The following SPG11 variants were observed in gnomAD, a reference collection of about 807,000 sequenced individuals.
SPG11 encodes the protein spatacsin.
A neutral mutation model predicts 274.0 loss-of-function variants in SPG11; 222 were observed. That is an observed-to-expected ratio of 0.81 (90% CI 0.73 to 0.91). SPG11 has a LOEUF of 0.91. Ranked by LOEUF, SPG11 falls within the 40% of genes least tolerant of loss-of-function variation. SPG11 has a pLI of 0.00. For missense variants in SPG11, 3,114 were observed against 2,872.7 expected (o/e 1.08, Z -1.92); for synonymous variants, 1,144 against 1,039.7 (o/e 1.10, Z -1.93).
intron 35 of SPG11, 99 bp from the exon 36 acceptor site, chr15:44,567,691 CAAG>C (rs1051939256): frequency 4.3e-5 from 56 of 1,289,324 alleles, no homozygotes; most frequent in African/African-American, 3.3e-4. Context: ...TAAAAACTCC[CAAG>C]AAGAAGAGGA....
chr15:44,570,550 G>C lies in SPG11; in HGVS notation c.6452C>G (p.Ala2151Gly), dbSNP rs763676031. Residue 2151 changes from alanine to glycine, a missense_variant, in exon 34 of 40, where the codon GCC becomes GGC. Physicochemically the swap from Ala to Gly is moderately conservative, Grantham distance 60 (BLOSUM62 0). Coordinates refer to ENST00000261866, the MANE Select transcript of SPG11 (RefSeq NM_025137.4). ...AAHMLTDNHL[A>G]PSEEYGLVVR... ...CACCAGCCCATACTCCTCACTGGGGGCCAGGTGGTTATCTGTGAGCATGTG... is the reference window on the plus strand; with the variant it reads ...CACCAGCCCATACTCCTCACTGGGGCCCAGGTGGTTATCTGTGAGCATGTG... 16 of 1,614,034 alleles carry C rather than the reference G, an allele frequency of 9.9e-6. No individual in the cohort carries two copies. In the African/African-American group the frequency reaches 2.0e-4, roughly 20 times the overall value.
intron 26 of SPG11, among the ~76,000 whole-genome samples, chr15:44,593,252 G>A (rs1302949228): frequency 6.6e-6 from 1 of 152,070 alleles, no homozygotes; most frequent in East Asian, 1.9e-4. Flanking sequence ...CTGGAGTGCA[G>A]TGGCATGATC....
At chr15:44,662,358 ATACT>A (rs757738767) in intron 1 of SPG11, among the ~76,000 whole-genome samples, 12 of 152,150 alleles carry the variant, frequency 7.9e-5, no homozygotes, top group East Asian at 1.9e-4. Context: ...AGTTGTGAAA[ATACT>A]TACTATTAAT....
chr15:44,595,324 A>G lies in SPG11; in HGVS notation c.4570T>C (p.Trp1524Arg). Residue 1524 changes from tryptophan to arginine, a missense_variant, in exon 26 of 40, where the codon TGG becomes CGG. Transcript: ENST00000261866. ...TWNLEDLSVIWRTLLTRQKSK... is the reference protein window; with the variant it reads ...TWNLEDLSVIRRTLLTRQKSK... ...TTTTGTCTTGTTAATAATGTTCTCC[A>G]GATGACTGAAAGATCCTCAAGGTTC... 1.2e-6 allele frequency: 2 copies of G among 1,614,254 alleles called. No homozygotes were observed. The highest frequency in any genetic ancestry group is 1.7e-6 in the Non-Finnish European group (2 of 1,180,044).
At chr15:44,613,577 C>T in intron 16 of SPG11, 41 bp from the exon 17 acceptor site, 1 of 1,283,522 alleles carries the variant, frequency 7.8e-7, no homozygotes, top group Non-Finnish European at 1.1e-6. Context: ...GATTAACATA[C>T]AGGATAAGAC....
chr15:44,592,202 T>C lies in SPG11; in HGVS notation c.4743+129A>G. 8.6e-6 allele frequency: 6 copies of C among 697,426 alleles called. No individual in the cohort carries two copies. In the South Asian group the frequency reaches 9.2e-5, roughly 11 times the overall value. The allele number at this position is 697,426 out of a possible 1,614,324, so 43.2% of individuals were successfully genotyped here. A position where few individuals can be genotyped will look rare whatever the true frequency, so the allele number is the denominator to read the frequency against. On this transcript the variant is annotated intron_variant, in intron 27 of 39. Transcript: ENST00000261866. ...TGAGCCCAGGAGTTCAAGGCTGTAGTGAGCTGTGATCGTAACACTGTGCCT... is the reference window on the plus strand; with the variant it reads ...TGAGCCCAGGAGTTCAAGGCTGTAGCGAGCTGTGATCGTAACACTGTGCCT...
At chr15:44,645,944 C>G (rs1050613181) in intron 7 of SPG11, among the ~76,000 whole-genome samples, 1 of 152,136 alleles carries the variant, frequency 6.6e-6, no homozygotes, top group Admixed American at 6.5e-5. Flanking sequence ...CATCTCACAC[C>G]AGTCAGAATG....
At chr15:44,632,135 A>G (rs1166366419) in intron 8 of SPG11, among the ~76,000 whole-genome samples, 1 of 152,110 alleles carries the variant, frequency 6.6e-6, no homozygotes, top group Non-Finnish European at 1.5e-5. Flanking sequence ...CATAAGGATT[A>G]TATCAGAGGA....
At chr15:44,610,724 TA>T in intron 18 of SPG11, 115 bp downstream of exon 18, 2 of 1,096,944 alleles carry the variant, frequency 1.8e-6, no homozygotes, top group Non-Finnish European at 1.4e-6. Flanking sequence ...CTCTTTAATC[TA>T]ATGAAATACT....
Position 44,608,586 on chromosome 15 carries a change from T to C in SPG11, c.3311A>G (p.Asn1104Ser), listed in dbSNP as rs140247471. 1 of 1,614,050 alleles carries C rather than the reference T, an allele frequency of 6.2e-7. No homozygotes were observed. Among genetic ancestry groups the C allele is most frequent in the South Asian group, 1.1e-5 (1 of 91,078 alleles). The change falls in exon 19 of 40, where the codon AAT becomes AGT. Residue 1104 changes from asparagine (N) to serine (S), a missense_variant. By Grantham distance (46) the Asn-to-Ser change is conservative. Transcript: ENST00000261866. Reference protein sequence around the residue: ...GVSQVVQNEENENCLKKVDPQ... With the variant: ...GVSQVVQNEESENCLKKVDPQ... Reference sequence around the variant, plus strand: ...ATCCACTTTCTTCAAACAGTTTTCATTTTCTTCATTCTGAACAACCTAAGT... The same window carrying C: ...ATCCACTTTCTTCAAACAGTTTTCACTTTCTTCATTCTGAACAACCTAAGT...
At position 44,596,937 on chromosome 15, in the gene SPG11, G is replaced by A; in HGVS notation, c.4008C>T (p.Ser1336=). Residue 1336 remains serine, a synonymous_variant, in exon 24 of 40, where the codon TCC becomes TCT. Transcript: ENST00000261866. ...ATGCCCATTGGCTGCTAGATTCACT[G>A]GATAACCTATAATCAGAATTAGAGG... is the stretch of plus-strand genomic sequence containing the variant. ...SIQQQEIKRL[S]SESSSQWALV... 3 of 1,613,736 alleles carry A rather than the reference G, an allele frequency of 1.9e-6. No homozygotes were observed. The highest frequency in any genetic ancestry group is 2.5e-6 in the Non-Finnish European group (3 of 1,179,950).
intron 6 of SPG11, among the ~76,000 whole-genome samples, chr15:44,649,491 C>G (rs1287531195): frequency 6.6e-6 from 1 of 152,136 alleles, no homozygotes; most frequent in Non-Finnish European, 1.5e-5. Context: ...CCTTGGCCTC[C>G]CAAATGTTTT....
chr15:44,661,900 A>G (rs2085119552), intron 1 of SPG11, among the ~76,000 whole-genome samples: 1 of 152,212 alleles, frequency 6.6e-6, no homozygotes, highest in South Asian at 2.1e-4. Flanking sequence ...AAGTATTTTA[A>G]CTGAATTAAA....
chr15:44,633,684 A>G (rs1381216880), intron 7 of SPG11, 47 bp from the exon 8 acceptor site: 2 of 1,584,098 alleles, frequency 1.3e-6, no homozygotes, highest in Admixed American at 1.7e-5. Flanking sequence ...TACAATAGGA[A>G]AAAAAAATCA....
intron 20 of SPG11, among the ~76,000 whole-genome samples, chr15:44,601,151 T>G (rs892005936): frequency 2.0e-4 from 30 of 151,844 alleles, no homozygotes; most frequent in African/African-American, 7.0e-4. Context: ...AAACTTCATT[T>G]CAAAAAAACA....
rs1179057683 is a variant in SPG11 at position 44,578,019 on chromosome 15, C to CTTTTT, written c.5867-2983_5867-2979dup. 3.7e-4 allele frequency among the ~76,000 whole-genome samples: 44 copies of CTTTTT among 117,554 alleles called. 1 individual carries two copies. Among genetic ancestry groups the CTTTTT allele is most frequent in the African/African-American group, 8.5e-4 (26 of 30,606 alleles). The allele number at this position is 117,554 out of a possible 152,430, so 77.1% of individuals were successfully genotyped here. A position where few individuals can be genotyped will look rare whatever the true frequency, so the allele number is the denominator to read the frequency against. On this transcript the variant is annotated intron_variant, in intron 30 of 39. Transcript: ENST00000261866. ...CTCTCAGAAAGGGGAGCCTTCTTTC[C>CTTTTT]TTTTTTTTTTTTTTTTTTTTTTTGA...
rs1425209684 is a variant in SPG11, at chr15:44,584,325, C to T, written c.5355G>A (p.Gln1785=). Residue 1785 remains glutamine, a synonymous_variant, in exon 30 of 40, where the codon CAG becomes CAA. Transcript: ENST00000261866. ...LLTLAGHWLA[Q]EDVVPLDKLE... is the part of the protein sequence containing the mutation. ...GCTTATCCAAGGGCACCACGTCCTC[C>T]TGGGCAAGCCAGTGCCCTGCCAAGG... The T allele has an allele frequency of 6.2e-7, 1 of 1,611,044 alleles. No individual in the cohort carries two copies. The highest frequency in any genetic ancestry group is 1.7e-5 in the Admixed American group (1 of 59,792).
chr15:44,586,209 G>A (rs1027732998), intron 28 of SPG11, among the ~76,000 whole-genome samples: 1 of 151,594 alleles, frequency 6.6e-6, no homozygotes. Flanking sequence ...GCTCTCGACC[G>A]TGCCCGGACA....
intron 30 of SPG11, 76 bp downstream of exon 30, chr15:44,583,737 CA>C: frequency 6.2e-7 from 1 of 1,600,904 alleles, no homozygotes. Flanking sequence ...TATTCTGCCA[CA>C]AGGGTCCCTT....
Sources: allele counts gnomAD v4.1 joint callset (sites outside exome capture counted in the v4.1 genomes callset), GRCh38; gene constraint gnomAD v4.1.1; transcripts MANE v1.5; gene names NCBI Gene and HGNC (gene_info 2026-07-23, HGNC 2026-07-21).